SLC36A1: variants seen among roughly 807,000 people sequenced by gnomAD.
The protein encoded by SLC36A1 is proton-coupled amino acid transporter 1.
Under a neutral mutation model 47.5 loss-of-function variants are expected in SLC36A1, and 30 were observed. The ratio of observed to expected loss-of-function variants is 0.63; its 90% CI spans 0.47 to 0.86. SLC36A1 has a LOEUF of 0.86. SLC36A1 is among the 40% of genes least tolerant of loss of function. The pLI is 0.00. For missense variants in SLC36A1, 517 were observed against 606.0 expected, an observed-to-expected ratio of 0.85 and a Z score of 1.54; for synonymous variants, 255 against 249.7, an observed-to-expected ratio of 1.02 and a Z score of -0.20.
the SLC36A1 span, among the ~76,000 whole-genome samples, chr5:151,385,009 A>AGAGAGAGGGTGTGTGTGT: frequency 7.8e-6 from 1 of 128,466 alleles, no homozygotes; most frequent in Admixed American, 7.3e-5. Context: ...AGAGAGAGAG[A>AGAGAGAGGGTGTGTGTGT]GTGTGTGTGT....
chr5:151,365,981 A>C, the SLC36A1 span, among the ~76,000 whole-genome samples: 1 of 152,254 alleles, frequency 6.6e-6, no homozygotes, highest in South Asian at 2.1e-4. Flanking sequence ...TGGTTTGGAG[A>C]AAAAGGGGTC....
At chr5:151,552,885 C>A in the SLC36A1 span, among the ~76,000 whole-genome samples, 5 of 152,232 alleles carry the variant, frequency 3.3e-5, no homozygotes, top group Non-Finnish European at 7.3e-5. Flanking sequence ...TGCTCTGGGT[C>A]TTCCTGAACC....
At chr5:151,549,281 G>T in the SLC36A1 span, 1 of 1,610,964 alleles carries the variant, frequency 6.2e-7, no homozygotes, top group Non-Finnish European at 8.5e-7. Context: ...TGAGCTCATG[G>T]CCAGGCCTCT....
intron 8 of SLC36A1, among the ~76,000 whole-genome samples, chr5:151,475,483 A>G (rs1757920137): frequency 6.6e-6 from 1 of 152,202 alleles, no homozygotes. Flanking sequence ...TGTTCATTGC[A>G]TCGGGGTAAA....
upstream of SLC36A1, among the ~76,000 whole-genome samples, chr5:151,445,143 G>T (rs975154963): frequency 1.3e-5 from 2 of 151,358 alleles, no homozygotes; most frequent in Admixed American, 6.6e-5. Flanking sequence ...ACTATTGAGA[G>T]TTTTTTTTTA....
At chr5:151,359,711 CT>C in the SLC36A1 span, among the ~76,000 whole-genome samples, 1 of 152,262 alleles carries the variant, frequency 6.6e-6, no homozygotes, top group East Asian at 1.9e-4. Flanking sequence ...ATAAATTTGC[CT>C]TTTTTAGACA....
the SLC36A1 span, among the ~76,000 whole-genome samples, chr5:151,357,545 A>G: frequency 2.6e-5 from 4 of 152,274 alleles, no homozygotes; most frequent in East Asian, 7.7e-4. Flanking sequence ...AGGGGTTAGT[A>G]AACTATGGCC....
chr5:151,512,115 A>C, the SLC36A1 span: 20 of 1,552,938 alleles, frequency 1.3e-5, no homozygotes, highest in Non-Finnish European at 1.4e-5. The surrounding 1 kb of genome is among the most constrained non-coding windows in gnomAD (Gnocchi z 4.1). Context: ...TCCCACCTGA[A>C]GAGCCTTCTG....
chr5:151,419,003 A>G, the SLC36A1 span, among the ~76,000 whole-genome samples: 1 of 152,008 alleles, frequency 6.6e-6, no homozygotes, highest in African/African-American at 2.4e-5. Flanking sequence ...ATGAGATCTG[A>G]TGGTTTTATA....
the SLC36A1 span, chr5:151,543,346 A>G: frequency 6.2e-7 from 1 of 1,614,202 alleles, no homozygotes; most frequent in South Asian, 1.1e-5. Flanking sequence ...ATTGGATTGA[A>G]TGGATACTGT....
chr5:151,504,682 T>TAA, the SLC36A1 span: 3 of 152,616 alleles, frequency 2.0e-5, no homozygotes, highest in Non-Finnish European at 4.4e-5. Context: ...AAAAAGTGCC[T>TAA]AAGAATTTTT....
chr5:151,527,579 G>T, the SLC36A1 span, among the ~76,000 whole-genome samples: 1 of 152,074 alleles, frequency 6.6e-6, no homozygotes. Flanking sequence ...ATCATTTGCT[G>T]GCAATGAGAC....
chr5:151,357,597 G>A, the SLC36A1 span, among the ~76,000 whole-genome samples: 6 of 152,226 alleles, frequency 3.9e-5, no homozygotes, highest in African/African-American at 1.4e-4. Flanking sequence ...TAGAAAAAAG[G>A]TTTTATTGGA....
intron 7 of SLC36A1, among the ~76,000 whole-genome samples, chr5:151,468,301 T>TATATATATATAAA (rs1756858867): frequency 3.2e-5 from 3 of 93,406 alleles, no homozygotes; most frequent in South Asian, 4.2e-4. Context: ...ATATTTTATA[T>TATATATATATAAA]ATATATATTT....
the SLC36A1 span, among the ~76,000 whole-genome samples, chr5:151,383,194 A>G: frequency 6.8e-6 from 1 of 147,660 alleles, no homozygotes; most frequent in African/African-American, 2.4e-5. Flanking sequence ...ACTGGGCACC[A>G]CTTGTCCTGG....
chr5:151,529,552 G>A, the SLC36A1 span, among the ~76,000 whole-genome samples: 1 of 151,260 alleles, frequency 6.6e-6, no homozygotes, highest in Non-Finnish European at 1.5e-5. Context: ...CTATCCCCTT[G>A]ACCCCCTTCC....
At chr5:151,397,350 G>A in the SLC36A1 span, among the ~76,000 whole-genome samples, 9 of 152,232 alleles carry the variant, frequency 5.9e-5, no homozygotes, top group Admixed American at 5.9e-4. Flanking sequence ...AAGGGTTTAT[G>A]TGCCTGAGAA....
At chr5:151,478,547 G>A (rs750888925) in intron 9 of SLC36A1, among the ~76,000 whole-genome samples, 1 of 152,212 alleles carries the variant, frequency 6.6e-6, no homozygotes, top group Non-Finnish European at 1.5e-5. Flanking sequence ...CACTGACTTG[G>A]ATGGGACAGA....
the SLC36A1 span, chr5:151,546,414 G>A: frequency 2.7e-6 from 3 of 1,128,424 alleles, no homozygotes; most frequent in Non-Finnish European, 3.8e-6. Flanking sequence ...TCAGTAAAGG[G>A]TCTATCACAC....
Sources: gnomAD v4.1 joint callset for allele counts (sites outside exome capture counted in the v4.1 genomes callset) on GRCh38, gnomAD v4.1.1 for gene constraint, Gnocchi (gnomAD v3.1) non-coding constraint, MANE v1.5 for transcripts, NCBI Gene and HGNC (gene_info 2026-07-23, HGNC 2026-07-21) for gene names.